The following LRRTM4 variants were observed in gnomAD, a reference collection of about 807,000 sequenced individuals.
LRRTM4 encodes the protein leucine rich repeat transmembrane neuronal 4.
A neutral mutation model predicts 47.6 loss-of-function variants in LRRTM4; 25 were observed. The observed-to-expected ratio is 0.53, with a 90% CI of 0.38 to 0.73. The LOEUF is 0.73. LRRTM4 is among the 30% of genes least tolerant of loss of function. The probability of loss-of-function intolerance (pLI) is 0.00; values close to 1 mark genes in which losing one functional copy is unlikely to be tolerated. For missense variants in LRRTM4, 638 were observed against 713.4 expected (o/e 0.89, Z 1.20); for synonymous variants, 311 against 269.5 (o/e 1.15, Z -1.51).
In LRRTM4 at chr2:77,154,706, C is replaced by A. The variant is rs148263303; in HGVS notation, c.1551+363612G>T. Among the ~76,000 whole-genome samples the A allele has an allele frequency of 3.4e-3, 523 of 151,772 alleles. 3 individuals carry two copies. The highest frequency in any genetic ancestry group is 9.0e-3 in the African/African-American group (375 of 41,438). On this transcript the variant is annotated intron_variant, in intron 3 of 3. Transcript: ENST00000409884. ...TTAGCATAAAATTCTTTATTATAGCCAAAGGAAAATACGAAATATGAAAAC... is the reference window on the plus strand; with the variant it reads ...TTAGCATAAAATTCTTTATTATAGCAAAAGGAAAATACGAAATATGAAAAC...
At chr2:76,864,485 C>T (rs1374617621) in intron 3 of LRRTM4, among the ~76,000 whole-genome samples, 1 of 151,814 alleles carries the variant, frequency 6.6e-6, no homozygotes, top group Non-Finnish European at 1.5e-5. Flanking sequence ...TGGAGAAACC[C>T]CATCTCTACT....
Position 77,440,990 on chromosome 2 carries a change from A to G in LRRTM4, c.1551+77328T>C, listed in dbSNP as rs188922192. On this transcript the variant is annotated intron_variant, in intron 3 of 3. Coordinates refer to ENST00000409884, the MANE Select transcript of LRRTM4 (RefSeq NM_001134745.3). ...TGCACATGTTGTAGCTATTTACATT[A>G]TTTATTCTTACAAAAATCATTCTCA... 3.5e-4 allele frequency among the ~76,000 whole-genome samples: 53 copies of G among 152,338 alleles called. No individual in the cohort carries two copies. In the East Asian group the frequency reaches 7.5e-3, roughly 22 times the overall value.
chr2:77,018,259 C>CTT (rs59294966), intron 3 of LRRTM4, among the ~76,000 whole-genome samples: 3,668 of 74,684 alleles, frequency 0.049, 467 homozygotes, highest in African/African-American at 0.14. Flanking sequence ...CTCTTGATTG[C>CTT]TTTTTTTTTT....
chr2:77,418,969 T>G (rs575249659), intron 3 of LRRTM4, among the ~76,000 whole-genome samples: 5 of 152,320 alleles, frequency 3.3e-5, no homozygotes, highest in Non-Finnish European at 7.3e-5. Context: ...TGCCTCCTGA[T>G]GTTCACTTAT....
intron 3 of LRRTM4, among the ~76,000 whole-genome samples, chr2:77,129,824 ACT>A (rs1671747830): frequency 6.6e-6 from 1 of 152,248 alleles, no homozygotes; most frequent in African/African-American, 2.4e-5. Flanking sequence ...ACTTAATCTG[ACT>A]CTCTATCACA....
intron 3 of LRRTM4, among the ~76,000 whole-genome samples, chr2:77,429,999 G>A (rs1675299394): frequency 6.6e-6 from 1 of 152,100 alleles, no homozygotes; most frequent in South Asian, 2.1e-4. Flanking sequence ...CCAGGAGGCG[G>A]AGGTTGCAGT....
intron 3 of LRRTM4, among the ~76,000 whole-genome samples, chr2:77,503,235 T>A (rs1409207821): frequency 6.6e-6 from 1 of 151,300 alleles, no homozygotes; most frequent in Non-Finnish European, 1.5e-5. Context: ...ACAAAAATTG[T>A]CACTAGTAAA....
rs553518502 is a variant in LRRTM4, at chr2:77,277,590, G to A, written c.1551+240728C>T. 2.6e-5 allele frequency among the ~76,000 whole-genome samples: 4 copies of A among 152,098 alleles called. No individual in the cohort carries two copies. The South Asian group carries it at 8.3e-4, about 32-fold the overall frequency. ...GGATATCCTCACAGTTTGATTATTT[G>A]AACCTAAGCCACTGGAGAATGGTAA... On this transcript the variant is annotated intron_variant, in intron 3 of 3. Coordinates refer to ENST00000409884, the MANE Select transcript of LRRTM4 (RefSeq NM_001134745.3).
rs150808606 is a variant in LRRTM4 at position 77,022,566 on chromosome 2, G to T, written c.1552-273650C>A. On this transcript the variant is annotated intron_variant, in intron 3 of 3. Coordinates refer to ENST00000409884, the MANE Select transcript of LRRTM4 (RefSeq NM_001134745.3). ...ACTTCCTAGATACAATGGAGGTACA[G>T]ATATTAGGTAAATATAGCCATTCCA... Among the ~76,000 whole-genome samples the T allele has an allele frequency of 2.5e-3, 384 of 152,278 alleles. 8 individuals are homozygous for T. The highest frequency in any genetic ancestry group is 0.019 in the East Asian group (100 of 5,174).
chr2:76,816,623 A>G (rs983616765), intron 3 of LRRTM4, among the ~76,000 whole-genome samples: 1 of 151,674 alleles, frequency 6.6e-6, no homozygotes, highest in Non-Finnish European at 1.5e-5. Context: ...TCTAATAATC[A>G]GCCACTATTA....
chr2:77,004,511 AC>A (rs144143173), intron 3 of LRRTM4, among the ~76,000 whole-genome samples: 2,677 of 152,232 alleles, frequency 0.018, 87 homozygotes, highest in African/African-American at 0.062. Flanking sequence ...GTATGAAAAC[AC>A]CTGGATGTTC....
chr2:77,499,039 C>T (rs574317743), intron 3 of LRRTM4, among the ~76,000 whole-genome samples: 27 of 151,930 alleles, frequency 1.8e-4, no homozygotes, highest in African/African-American at 5.3e-4. Context: ...GTCTTTTTAG[C>T]CTCTCCAAGA....
At position 77,432,269 on chromosome 2, in the gene LRRTM4, G is replaced by A. The variant is rs774232764; in HGVS notation, c.1551+86049C>T. The stretch of plus-strand genomic sequence containing the variant: ...TGTGACTTTCCTGGGTGCAACCCAC[G>A]TAGCAGCTCTCATGGTTAAGGATTC... On this transcript the variant is annotated intron_variant, in intron 3 of 3. Transcript: ENST00000409884. Among the ~76,000 whole-genome samples, 13 of 152,260 alleles carry A rather than the reference G, an allele frequency of 8.5e-5. No individual in the cohort carries two copies. In the South Asian group the frequency reaches 1.0e-3, roughly 12 times the overall value.
chr2:77,151,778 G>C (rs1672436744), intron 3 of LRRTM4, among the ~76,000 whole-genome samples: 2 of 114,420 alleles, frequency 1.7e-5, no homozygotes. Flanking sequence ...GGAACAGAAA[G>C]ATCTTGTTTG....
At chr2:76,999,624 C>T (rs1198768383) in intron 3 of LRRTM4, among the ~76,000 whole-genome samples, 2 of 152,012 alleles carry the variant, frequency 1.3e-5, no homozygotes, top group African/African-American at 4.8e-5. Context: ...AGCTTTTCTA[C>T]CTTTCAGATT....
At chr2:76,770,599 G>C (rs571221436) in intron 3 of LRRTM4, among the ~76,000 whole-genome samples, 1 of 152,084 alleles carries the variant, frequency 6.6e-6, no homozygotes, top group Non-Finnish European at 1.5e-5. Flanking sequence ...GTTTCTTTCT[G>C]GTTTGGAGGT....
intron 3 of LRRTM4, among the ~76,000 whole-genome samples, chr2:76,785,075 A>T (rs1189348722): frequency 1.3e-5 from 2 of 152,108 alleles, no homozygotes; most frequent in Non-Finnish European, 2.9e-5. Context: ...GTCTGCAATA[A>T]ACTATTAAGA....
intron 3 of LRRTM4, among the ~76,000 whole-genome samples, chr2:77,350,351 A>G (rs1671720563): frequency 6.7e-6 from 1 of 148,786 alleles, no homozygotes; most frequent in Non-Finnish European, 1.5e-5. Flanking sequence ...AAAAAAAAAA[A>G]AAAAAAAAAA....
chr2:77,145,223 G>A (rs574337113), intron 3 of LRRTM4, among the ~76,000 whole-genome samples: 6 of 149,360 alleles, frequency 4.0e-5, no homozygotes, highest in East Asian at 4.0e-4. Flanking sequence ...GTGTGTGTGT[G>A]TATATCTCAT....
Sources: gnomAD v4.1 joint callset for allele counts (sites outside exome capture counted in the v4.1 genomes callset) on GRCh38, gnomAD v4.1.1 for gene constraint, MANE v1.5 for transcripts, NCBI Gene and HGNC (gene_info 2026-07-23, HGNC 2026-07-21) for gene names.